The following HUNK variants were observed in gnomAD, a reference collection of about 807,000 sequenced individuals.
The protein encoded by HUNK is hormonally up-regulated neu tumor-associated kinase.
Under a neutral mutation model 61.0 loss-of-function variants are expected in HUNK, and 21 were observed. The ratio of observed to expected loss-of-function variants is 0.34; its 90% CI spans 0.24 to 0.50. The LOEUF (loss-of-function observed/expected upper bound fraction) is 0.50, where lower values mean the gene tolerates loss of function less well. Among genes scored for constraint, HUNK ranks in the 20% least tolerant of loss-of-function variants. HUNK has a pLI of 0.98. For missense variants in HUNK, 772 were observed against 945.7 expected (o/e 0.82, Z 2.41); for synonymous variants, 371 against 386.1 (o/e 0.96, Z 0.46).
chr21:31,990,724 T>C (rs2053167066), intron 9 of HUNK, among the ~76,000 whole-genome samples: 1 of 151,894 alleles, frequency 6.6e-6, no homozygotes, highest in Non-Finnish European at 1.5e-5. Context: ...TTAGTAGAGA[T>C]AGAGTTTCAC....
chr21:31,922,174 A>G (rs1346940350), intron 1 of HUNK, among the ~76,000 whole-genome samples: 19 of 145,466 alleles, frequency 1.3e-4, no homozygotes, highest in South Asian at 4.4e-4. Flanking sequence ...CCACCACCAC[A>G]CCCAGCTAAT....
At position 31,873,670 on chromosome 21, in the gene HUNK, G is replaced by A. The variant is rs1180883046; in HGVS notation, c.-5G>A. 2.0e-6 allele frequency: 2 copies of A among 1,000,922 alleles called. No homozygotes were observed. The highest frequency in any genetic ancestry group is 1.8e-5 in the African/African-American group (1 of 56,942). The allele number at this position is 1,000,922 out of a possible 1,614,324, so 62.0% of individuals were successfully genotyped here. On this transcript the variant is annotated 5_prime_UTR_variant, in exon 1 of 11. Transcript: ENST00000270112. This position sits in a 1 kb window ranked among gnomAD's most constrained non-coding sequence, Gnocchi z 6.1. The stretch of plus-strand genomic sequence containing the variant: ...GCAGGAGCCGCGCGGGCCGCGGCGA[G>A]CGCGATGCCGGCGGCGGCGGGGGAC...
intron 1 of HUNK, among the ~76,000 whole-genome samples, chr21:31,905,702 G>A (rs951716618): frequency 6.6e-6 from 1 of 152,324 alleles, no homozygotes; most frequent in Admixed American, 6.5e-5. Flanking sequence ...CACAAATTCT[G>A]CTTTGTACAG....
chr21:31,915,884 C>T (rs1320474399), intron 1 of HUNK, among the ~76,000 whole-genome samples: 1 of 152,040 alleles, frequency 6.6e-6, no homozygotes, highest in South Asian at 2.1e-4. Flanking sequence ...CTGAAGCCAC[C>T]GGTCAAGGAA....
At chr21:31,927,313 G>A (rs1458593965) in intron 2 of HUNK, among the ~76,000 whole-genome samples, 2 of 151,930 alleles carry the variant, frequency 1.3e-5, no homozygotes, top group African/African-American at 2.4e-5. Flanking sequence ...AAAGTGCTGG[G>A]ATTACAGGTG....
intron 2 of HUNK, among the ~76,000 whole-genome samples, chr21:31,930,171 G>C (rs959278558): frequency 6.6e-5 from 10 of 152,328 alleles, no homozygotes; most frequent in Admixed American, 5.9e-4. Context: ...ATGCTGGTTT[G>C]ACCACTCGAA....
intron 1 of HUNK, among the ~76,000 whole-genome samples, chr21:31,890,856 G>T (rs2052382717): frequency 6.6e-6 from 1 of 150,880 alleles, no homozygotes; most frequent in African/African-American, 2.4e-5. Flanking sequence ...TTGAAAATGT[G>T]TTTCTTCTTT....
chr21:31,889,854 A>G (rs1319694680), intron 1 of HUNK, among the ~76,000 whole-genome samples: 2 of 152,174 alleles, frequency 1.3e-5, no homozygotes, highest in Admixed American at 1.3e-4. Flanking sequence ...GGGGTAACAG[A>G]TAGTTTCTTT....
At chr21:31,966,925 A>G (rs2052971046) in intron 5 of HUNK, among the ~76,000 whole-genome samples, 2 of 152,230 alleles carry the variant, frequency 1.3e-5, no homozygotes, top group Admixed American at 6.5e-5. Context: ...GGGCTATAGC[A>G]TAAGAAAAGA....
chr21:31,898,910 C>T (rs1204926495), intron 1 of HUNK, among the ~76,000 whole-genome samples: 1 of 152,146 alleles, frequency 6.6e-6, no homozygotes, highest in Non-Finnish European at 1.5e-5. Context: ...TTGTTAGGCT[C>T]CTCTTAAGAA....
chr21:31,921,527 G>A (rs2052622578), intron 1 of HUNK, among the ~76,000 whole-genome samples: 1 of 152,140 alleles, frequency 6.6e-6, no homozygotes, highest in Non-Finnish European at 1.5e-5. Flanking sequence ...CCAGGAGGGA[G>A]AGCTGGGAGG....
chr21:31,952,968 T>TG (rs1315298650), intron 4 of HUNK, among the ~76,000 whole-genome samples: 1 of 151,996 alleles, frequency 6.6e-6, no homozygotes, highest in East Asian at 1.9e-4. Context: ...AGAAAGCCCC[T>TG]GGGCCATATT....
intron 4 of HUNK, among the ~76,000 whole-genome samples, chr21:31,947,017 C>T (rs1053429184): frequency 1.3e-5 from 2 of 152,100 alleles, no homozygotes. Context: ...TCCCACATCC[C>T]ATTCTCAAGC....
intron 2 of HUNK, among the ~76,000 whole-genome samples, chr21:31,929,325 T>C (rs2052681709): frequency 6.6e-6 from 1 of 152,126 alleles, no homozygotes; most frequent in African/African-American, 2.4e-5. Flanking sequence ...TCCTATTAGA[T>C]TGGACTTGCC....
intron 1 of HUNK, among the ~76,000 whole-genome samples, chr21:31,911,400 G>T (rs1029058783): frequency 1.3e-5 from 2 of 152,292 alleles, no homozygotes; most frequent in East Asian, 3.9e-4. Flanking sequence ...CTGACATTTC[G>T]TCAGGATCTT....
rs1268060555 is a variant in HUNK at position 31,955,272 on chromosome 21, G to T, written c.747-3571G>T. The stretch of plus-strand genomic sequence containing the variant: ...CAATAAAAGTGATTTTTTTTTTTTT[G>T]GCAAAAATAGTGCATTGATAAAGAA... On this transcript the variant is annotated intron_variant, in intron 4 of 10. Coordinates refer to ENST00000270112, the MANE Select transcript of HUNK (RefSeq NM_014586.2). 3.7e-4 allele frequency among the ~76,000 whole-genome samples: 40 copies of T among 109,134 alleles called. 1 individual carries two copies. In the South Asian group the frequency reaches 5.7e-3, roughly 16 times the overall value. 71.6% of individuals were successfully genotyped at this position (109,134 alleles called of 152,430 possible). A position where few individuals can be genotyped will look rare whatever the true frequency, so the allele number is the denominator to read the frequency against.
intron 4 of HUNK, among the ~76,000 whole-genome samples, chr21:31,951,067 G>A (rs940058274): frequency 2.0e-5 from 3 of 151,926 alleles, no homozygotes; most frequent in East Asian, 1.9e-4. Context: ...GAAATGGCGC[G>A]CTTTCTTGGG....
At position 31,921,151 on chromosome 21, in the gene HUNK, T is replaced by C. The variant is rs559503140; in HGVS notation, c.262-3317T>C. ...GCCTGGGCCACAGAGCGAGATTCCATCTCAAAAAAAAAAAAAAAAAAAAAA... is the reference window on the plus strand; with the variant it reads ...GCCTGGGCCACAGAGCGAGATTCCACCTCAAAAAAAAAAAAAAAAAAAAAA... On this transcript the variant is annotated intron_variant, in intron 1 of 10. Transcript: ENST00000270112. Among the ~76,000 whole-genome samples the C allele has an allele frequency of 1.9e-3, 132 of 68,246 alleles. No individual in the cohort carries two copies. The Middle Eastern group carries it at 0.062, about 32-fold the overall frequency. The allele number at this position is 68,246 out of a possible 152,430, so 44.8% of individuals were successfully genotyped here.
intron 1 of HUNK, among the ~76,000 whole-genome samples, chr21:31,880,174 A>G (rs1214422518): frequency 6.6e-6 from 1 of 152,150 alleles, no homozygotes; most frequent in East Asian, 1.9e-4. Flanking sequence ...TCCCGTGCAC[A>G]TTCTTGTTAG....
Sources: allele counts gnomAD v4.1 joint callset (sites outside exome capture counted in the v4.1 genomes callset), GRCh38; gene constraint gnomAD v4.1.1; non-coding constraint Gnocchi (gnomAD v3.1); transcripts MANE v1.5; gene names NCBI Gene and HGNC (gene_info 2026-07-23, HGNC 2026-07-21).